The following KLHL3 variants were observed in gnomAD, a reference collection of about 807,000 sequenced individuals.
KLHL3 encodes the protein kelch-like protein 3.
A neutral mutation model predicts 70.5 loss-of-function variants in KLHL3; 19 were observed. The observed-to-expected ratio is 0.27, with a 90% confidence interval of 0.19 to 0.40. The LOEUF is 0.40. KLHL3 is among the 10% of genes least tolerant of loss of function. The probability of loss-of-function intolerance (pLI) is 1.00; values close to 1 mark genes in which losing one functional copy is unlikely to be tolerated. For missense variants in KLHL3, 512 were observed against 771.1 expected (o/e 0.66, Z 3.98); for synonymous variants, 258 against 290.3 (o/e 0.89, Z 1.13).
At chr5:137,655,095 T>G (rs938094855) in intron 8 of KLHL3, among the ~76,000 whole-genome samples, 1 of 152,188 alleles carries the variant, frequency 6.6e-6, no homozygotes, top group Non-Finnish European at 1.5e-5. Flanking sequence ...GCTACACTCC[T>G]CAGGCAAAGA....
At chr5:137,659,039 T>C (rs1349494052) in intron 7 of KLHL3, among the ~76,000 whole-genome samples, 1 of 152,210 alleles carries the variant, frequency 6.6e-6, no homozygotes, top group African/African-American at 2.4e-5. Context: ...GCCATTCTGG[T>C]GCTCTAACTC....
intron 1 of KLHL3, among the ~76,000 whole-genome samples, chr5:137,723,888 CCTT>C (rs1753044191): frequency 6.6e-6 from 1 of 152,048 alleles, no homozygotes; most frequent in African/African-American, 2.4e-5. Flanking sequence ...AAGAAAATTC[CCTT>C]CTATTTTTAT....
intron 6 of KLHL3, among the ~76,000 whole-genome samples, chr5:137,668,815 G>A (rs1324132465): frequency 6.6e-6 from 1 of 152,160 alleles, no homozygotes; most frequent in Non-Finnish European, 1.5e-5. Flanking sequence ...AGTCAGCCTT[G>A]ATGAAAATAT....
At chr5:137,625,308 G>A (rs17537935) in intron 14 of KLHL3, among the ~76,000 whole-genome samples, 84,775 of 152,140 alleles carry the variant, frequency 0.56, 24,489 homozygotes, top group Middle Eastern at 0.65. Flanking sequence ...CCTGTCTAGC[G>A]TATGTCATTT....
At chr5:137,704,153 A>G (rs1325134608) in intron 3 of KLHL3, among the ~76,000 whole-genome samples, 1 of 152,154 alleles carries the variant, frequency 6.6e-6, no homozygotes, top group Non-Finnish European at 1.5e-5. Flanking sequence ...TGGGAGGCCG[A>G]GGCGGGTGGA....
chr5:137,695,603 C>T (rs548998352), intron 4 of KLHL3, among the ~76,000 whole-genome samples: 1 of 152,268 alleles, frequency 6.6e-6, no homozygotes, highest in South Asian at 2.1e-4. Flanking sequence ...GGGATCTAGA[C>T]ACAAGTACAA....
intron 6 of KLHL3, among the ~76,000 whole-genome samples, chr5:137,671,181 T>C (rs149635430): frequency 2.1e-4 from 32 of 152,222 alleles, no homozygotes; most frequent in African/African-American, 7.0e-4. Flanking sequence ...TTTACTTTTC[T>C]CCCCAGGTAC....
chr5:137,637,183 G>A lies in KLHL3; in HGVS notation c.1321+111C>T, dbSNP rs543439609. ...GGATAATAGTACCTAACCCAGAGGA[G>A]TGATCTCAGGAAAAAAAACACGGTA... On this transcript the variant is annotated intron_variant, in intron 11 of 14. Coordinates refer to ENST00000309755, the MANE Select transcript of KLHL3 (RefSeq NM_017415.3). 185 of 789,200 alleles carry A rather than the reference G, an allele frequency of 2.3e-4. No homozygotes were observed. The African/African-American group carries it at 2.7e-3, about 12-fold the overall frequency. The allele number at this position is 789,200 out of a possible 1,614,324, so 48.9% of individuals were successfully genotyped here.
At chr5:137,735,518 G>T in intron 1 of KLHL3, 115 bp downstream of exon 1, 1 of 808,530 alleles carries the variant, frequency 1.2e-6, no homozygotes, top group South Asian at 1.4e-5. Context: ...ATCCATCAGT[G>T]GCCAGGTCTT....
At chr5:137,728,950 C>G (rs575468298) in intron 1 of KLHL3, among the ~76,000 whole-genome samples, 4 of 149,954 alleles carry the variant, frequency 2.7e-5, no homozygotes, top group East Asian at 3.9e-4. Context: ...AACAAACCAG[C>G]ACGTGTACCC....
intron 1 of KLHL3, among the ~76,000 whole-genome samples, chr5:137,729,174 C>T (rs1753132458): frequency 6.6e-6 from 1 of 151,960 alleles, no homozygotes; most frequent in Non-Finnish European, 1.5e-5. Flanking sequence ...ATACAAGAGG[C>T]CCAAGCACAT....
intron 10 of KLHL3, among the ~76,000 whole-genome samples, chr5:137,637,690 A>G (rs762896079): frequency 6.6e-6 from 1 of 152,180 alleles, no homozygotes; most frequent in Non-Finnish European, 1.5e-5. Flanking sequence ...GGATACTTTG[A>G]TTCCAAGTAG....
At chr5:137,695,773 T>C (rs1463691390) in intron 4 of KLHL3, among the ~76,000 whole-genome samples, 1 of 152,170 alleles carries the variant, frequency 6.6e-6, no homozygotes, top group Non-Finnish European at 1.5e-5. Context: ...GTGACAAGAT[T>C]ATGAACAAAA....
chr5:137,661,363 T>C (rs1439271202), intron 7 of KLHL3: 1 of 152,282 alleles, frequency 6.6e-6, no homozygotes, highest in African/African-American at 2.4e-5. Context: ...AACCCCATAA[T>C]TCTTAATTTT....
At chr5:137,648,805 G>A (rs1483037802) in intron 8 of KLHL3, among the ~76,000 whole-genome samples, 1 of 152,174 alleles carries the variant, frequency 6.6e-6, no homozygotes, top group African/African-American at 2.4e-5. Context: ...CCACCATGTT[G>A]TTTTTCAAAG....
At position 137,646,239 on chromosome 5, in the gene KLHL3, A is replaced by T. The variant is rs112743380; in HGVS notation, c.904-6262T>A. Among the ~76,000 whole-genome samples the T allele has an allele frequency of 2.1e-4, 32 of 152,340 alleles. 2 individuals carry two copies. The highest frequency in any genetic ancestry group is 7.5e-4 in the African/African-American group (31 of 41,586). On this transcript the variant is annotated intron_variant, in intron 8 of 14. Coordinates refer to ENST00000309755, the MANE Select transcript of KLHL3 (RefSeq NM_017415.3). The stretch of plus-strand genomic sequence containing the variant: ...ATGCAAATGAAAATCACAACGAGAT[A>T]TCACCTCACCCCAATTAGAAGGTCT...
chr5:137,627,510 C>T (rs1750506901), intron 13 of KLHL3, among the ~76,000 whole-genome samples: 1 of 140,778 alleles, frequency 7.1e-6, no homozygotes, highest in South Asian at 2.5e-4. Context: ...CCAAGTCAGC[C>T]ACGAATGGGC....
Position 137,639,203 on chromosome 5 carries a change from A to T in KLHL3, c.1022-53T>A. 6.5e-7 allele frequency: 1 copy of T among 1,540,262 alleles called. No homozygotes were observed. The highest frequency in any genetic ancestry group is 8.9e-7 in the Non-Finnish European group (1 of 1,121,824). On this transcript the variant is annotated intron_variant, in intron 9 of 14. Transcript: ENST00000309755. This position sits in a 1 kb window ranked among gnomAD's most constrained non-coding sequence, Gnocchi z 5.0. Reference sequence around the variant, plus strand: ...GGTCAGGTCAGGCGCATGACTGCTCATGTTGATGGATGGCAATGGAGGAGC... The same window carrying T: ...GGTCAGGTCAGGCGCATGACTGCTCTTGTTGATGGATGGCAATGGAGGAGC...
intron 11 of KLHL3, among the ~76,000 whole-genome samples, chr5:137,635,934 T>C (rs1045426168): frequency 1.3e-5 from 2 of 152,030 alleles, no homozygotes; most frequent in Non-Finnish European, 1.5e-5. Flanking sequence ...GCTGAAAAAA[T>C]ATGCACTCAA....
Sources: allele counts gnomAD v4.1 joint callset (sites outside exome capture counted in the v4.1 genomes callset), GRCh38; gene constraint gnomAD v4.1.1; non-coding constraint Gnocchi (gnomAD v3.1); transcripts MANE v1.5; gene names NCBI Gene and HGNC (gene_info 2026-07-23, HGNC 2026-07-21).